Variants in CRY1 observed in about 807,000 individuals in gnomAD.
The protein encoded by CRY1 is cryptochrome-1.
CRY1 carries 45 observed loss-of-function variants against 76.0 expected under a neutral mutation model. The ratio of observed to expected loss-of-function variants is 0.59; its 90% confidence interval spans 0.47 to 0.76. The LOEUF is 0.76. Among genes scored for constraint, CRY1 ranks in the 30% least tolerant of loss-of-function variants. The pLI, the probability that CRY1 is intolerant of heterozygous loss-of-function variation, is 0.00. For missense variants in CRY1, 587 were observed against 716.4 expected (o/e 0.82, Z 2.06); for synonymous variants, 248 against 244.0 (o/e 1.02, Z -0.15).
At chr12:107,047,453 T>G (rs1226781148) in intron 1 of CRY1, among the ~76,000 whole-genome samples, 1 of 152,156 alleles carries the variant, frequency 6.6e-6, no homozygotes, top group Non-Finnish European at 1.5e-5. Context: ...AATCTCATCT[T>G]GAATTGTAGT....
chr12:107,066,431 A>G (rs906744967), intron 1 of CRY1, among the ~76,000 whole-genome samples: 6 of 151,924 alleles, frequency 3.9e-5, no homozygotes, highest in Non-Finnish European at 5.9e-5. Context: ...TAAGATGGTT[A>G]TTTCTAGATG....
At chr12:107,046,025 G>A (rs1952845135) in intron 1 of CRY1, among the ~76,000 whole-genome samples, 1 of 151,956 alleles carries the variant, frequency 6.6e-6, no homozygotes, top group Non-Finnish European at 1.5e-5. Context: ...TATTCAGGAG[G>A]CTGGGGCAGG....
intron 1 of CRY1, among the ~76,000 whole-genome samples, chr12:107,069,456 GT>G (rs1054531152): frequency 6.7e-6 from 1 of 148,532 alleles, no homozygotes; most frequent in Non-Finnish European, 1.5e-5. Context: ...TTGCACTGTG[GT>G]TTTGTTTTGC....
At chr12:107,067,352 G>T (rs1320026358) in intron 1 of CRY1, among the ~76,000 whole-genome samples, 3 of 152,006 alleles carry the variant, frequency 2.0e-5, no homozygotes, top group Admixed American at 2.0e-4. Flanking sequence ...CAATCTACTG[G>T]AACTCATAAT....
chr12:107,062,169 C>T (rs1318976437), intron 1 of CRY1, among the ~76,000 whole-genome samples: 1 of 151,856 alleles, frequency 6.6e-6, no homozygotes, highest in African/African-American at 2.4e-5. Context: ...TTATTGACAT[C>T]GTATTATGAA....
intron 1 of CRY1, among the ~76,000 whole-genome samples, chr12:107,085,356 A>G (rs1953384975): frequency 6.6e-6 from 1 of 152,252 alleles, no homozygotes; most frequent in Non-Finnish European, 1.5e-5. Context: ...ATAATGACAC[A>G]GGCACATGTA....
intron 2 of CRY1, among the ~76,000 whole-genome samples, chr12:107,014,604 A>C (rs1346534235): frequency 6.6e-6 from 1 of 151,760 alleles, no homozygotes; most frequent in African/African-American, 2.4e-5. Flanking sequence ...CTATTAGTTT[A>C]ATGTGTTCTT....
At chr12:107,089,248 G>T (rs1953440688) in intron 1 of CRY1, among the ~76,000 whole-genome samples, 2 of 152,142 alleles carry the variant, frequency 1.3e-5, no homozygotes, top group African/African-American at 4.8e-5. Context: ...TCTAAGAGAT[G>T]CAAATTTTCA....
At position 106,997,531 on chromosome 12, in the gene CRY1, C is replaced by T. The variant is rs1356625574; in HGVS notation, c.1449G>A (p.Arg483=). ...HAEASRLNIE[R]MKQIYQQLSR... is the part of the protein sequence containing the mutation. ...AAAGCTGCTGATAGATCTGTTTCAT[C>T]CTTTCGATATTCAAACGGCTTGCCT... Residue 483 remains arginine (R), a synonymous_variant, in exon 9 of 13, where the codon AGG becomes AGA. Coordinates refer to ENST00000008527, the MANE Select transcript of CRY1 (RefSeq NM_004075.5). 1 of 1,614,088 alleles carries T rather than the reference C, an allele frequency of 6.2e-7. No individual in the cohort carries two copies. The highest frequency in any genetic ancestry group is 1.7e-5 in the Admixed American group (1 of 60,030).
intron 1 of CRY1, among the ~76,000 whole-genome samples, chr12:107,077,804 A>G (rs1486850219): frequency 6.6e-6 from 1 of 151,632 alleles, no homozygotes; most frequent in East Asian, 1.9e-4. Context: ...TCACATTCCA[A>G]CCTGAATCAT....
chr12:107,070,977 T>C (rs2136892601), intron 1 of CRY1, among the ~76,000 whole-genome samples: 1 of 151,952 alleles, frequency 6.6e-6, no homozygotes, highest in East Asian at 1.9e-4. Flanking sequence ...GTGCTGGGAT[T>C]ACAGGCGTGA....
chr12:107,022,148 T>G lies in CRY1; in HGVS notation c.203A>C (p.Lys68Thr). The change falls in exon 2 of 13, where the codon AAA becomes ACA. Residue 68 changes from lysine (K) to threonine (T), a missense_variant. Lys to Thr is a moderately conservative substitution (Grantham distance 78). Transcript: ENST00000008527. ...CLEDLDANLR[K>T]LNSRLFVIRG... ...AATCACAAACAGACGGGAGTTTAAT[T>G]TTCGTAGATTGGCATCAAGATCCTC... is the stretch of plus-strand genomic sequence containing the variant. 1 of 1,602,094 alleles carries G rather than the reference T, an allele frequency of 6.2e-7. No individual in the cohort carries two copies. The highest frequency in any genetic ancestry group is 1.1e-5 in the South Asian group (1 of 88,850).
intron 1 of CRY1, among the ~76,000 whole-genome samples, chr12:107,068,966 T>G (rs866241846): frequency 5.9e-5 from 9 of 152,324 alleles, no homozygotes; most frequent in Middle Eastern, 3.4e-3. Context: ...CATTCATCAG[T>G]GGACAGACAT....
rs78231333 is a variant in CRY1 at position 107,040,932 on chromosome 12, A to G, written c.159-18740T>C. On this transcript the variant is annotated intron_variant, in intron 1 of 12. Transcript: ENST00000008527. ...TATATAAACCTTTAAAAAAAAAAAAAAGAGATGGGATCTTGCTATGCTGCC... is the reference window on the plus strand; with the variant it reads ...TATATAAACCTTTAAAAAAAAAAAAGAGAGATGGGATCTTGCTATGCTGCC... Among the ~76,000 whole-genome samples, 77 of 151,528 alleles carry G rather than the reference A, an allele frequency of 5.1e-4. No homozygotes were observed. The South Asian group carries it at 7.5e-3, about 15-fold the overall frequency.
intron 1 of CRY1, among the ~76,000 whole-genome samples, chr12:107,074,167 CT>C (rs1461878314): frequency 9.2e-5 from 14 of 152,010 alleles, no homozygotes; most frequent in Non-Finnish European, 1.9e-4. Context: ...AATTATGCCC[CT>C]AATTGCAAAA....
At chr12:107,064,159 C>A (rs894106107) in intron 1 of CRY1, among the ~76,000 whole-genome samples, 6 of 152,026 alleles carry the variant, frequency 3.9e-5, no homozygotes, top group African/African-American at 1.4e-4. Context: ...GCAGAAAATT[C>A]TGTCATTTGT....
intron 1 of CRY1, among the ~76,000 whole-genome samples, chr12:107,091,920 C>T (rs867690699): frequency 1.3e-5 from 2 of 152,218 alleles, no homozygotes; most frequent in Admixed American, 6.5e-5. Context: ...GCAACCCCAT[C>T]CCTACCCTTG....
At chr12:107,039,785 A>G (rs990423205) in intron 1 of CRY1, among the ~76,000 whole-genome samples, 1 of 152,358 alleles carries the variant, frequency 6.6e-6, no homozygotes, top group African/African-American at 2.4e-5. Context: ...TAGAACTACC[A>G]TATGATTTGG....
intron 2 of CRY1, among the ~76,000 whole-genome samples, chr12:107,015,567 C>T (rs1329377551): frequency 2.0e-5 from 3 of 152,086 alleles, no homozygotes; most frequent in Non-Finnish European, 4.4e-5. Context: ...CTTATCTACT[C>T]GTTAGAGCAG....
Sources: allele counts gnomAD v4.1 joint callset (sites outside exome capture counted in the v4.1 genomes callset), GRCh38; gene constraint gnomAD v4.1.1; transcripts MANE v1.5; gene names NCBI Gene and HGNC (gene_info 2026-07-23, HGNC 2026-07-21).